Variants in DLGAP2 observed in about 807,000 individuals in gnomAD.
DLGAP2 encodes disks large-associated protein 2.
In DLGAP2, 26 loss-of-function variants were observed where a neutral mutation model predicts 100.3. The ratio of observed to expected loss-of-function variants is 0.26; its 90% CI spans 0.19 to 0.36. DLGAP2 has a LOEUF of 0.36. Ranked by LOEUF, DLGAP2 falls within the 10% of genes least tolerant of loss-of-function variation. The pLI, the probability that DLGAP2 is intolerant of heterozygous loss-of-function variation, is 1.00. For missense variants in DLGAP2, 1,858 were observed against 1,453.2 expected (o/e 1.28, Z -4.53); for synonymous variants, 886 against 630.1 (o/e 1.41, Z -6.08).
At chr8:1,026,558 T>C (rs528653326) in intron 2 of DLGAP2, among the ~76,000 whole-genome samples, 30 of 152,360 alleles carry the variant, frequency 2.0e-4, no homozygotes, top group African/African-American at 7.0e-4. Context: ...GGTTGTCTTA[T>C]ATTGAGAACA....
chr8:913,924 T>A (rs1798540146), intron 2 of DLGAP2, among the ~76,000 whole-genome samples: 1 of 152,206 alleles, frequency 6.6e-6, no homozygotes, highest in South Asian at 2.1e-4. Context: ...GCCCCGGGAC[T>A]GAGACATGCA....
chr8:1,136,220 G>A (rs1796408035), intron 2 of DLGAP2, among the ~76,000 whole-genome samples: 1 of 152,052 alleles, frequency 6.6e-6, no homozygotes, highest in Non-Finnish European at 1.5e-5. Context: ...TGCTCCCTTA[G>A]GCACATGAGT....
At chr8:1,251,698 A>G (rs1475531702) in intron 2 of DLGAP2, among the ~76,000 whole-genome samples, 1 of 152,250 alleles carries the variant, frequency 6.6e-6, no homozygotes, top group Non-Finnish European at 1.5e-5. Context: ...TCGTGGAGTC[A>G]GGTCATCATG....
intron 4 of DLGAP2, among the ~76,000 whole-genome samples, chr8:1,523,041 C>T (rs1800661133): frequency 6.6e-6 from 1 of 152,222 alleles, no homozygotes; most frequent in Admixed American, 6.5e-5. Flanking sequence ...TGGTCAGAAC[C>T]AGCAGCACTG....
intron 3 of DLGAP2, among the ~76,000 whole-genome samples, chr8:1,304,995 T>C (rs1202953926): frequency 6.6e-6 from 1 of 152,162 alleles, no homozygotes; most frequent in African/African-American, 2.4e-5. Context: ...CTGCTAAGAA[T>C]AACTGTGCAG....
In DLGAP2 at chr8:1,501,365, G is replaced by A; in HGVS notation, c.107-1G>A. ...GAGTGACTTTGTTTCTGTCTTTGCA[G>A]AGGAAGAAGCTGGAGACTTGGTCCA... is the stretch of plus-strand genomic sequence containing the variant. On this transcript the variant is annotated splice_acceptor_variant, in intron 3 of 14. Coordinates refer to ENST00000637795, the MANE Select transcript of DLGAP2 (RefSeq NM_001346810.2). LOFTEE classifies it high-confidence loss of function. The A allele has an allele frequency of 6.5e-7, 1 of 1,535,930 alleles. No individual in the cohort carries two copies. The highest frequency in any genetic ancestry group is 8.7e-7 in the Non-Finnish European group (1 of 1,146,750).
At chr8:1,295,191 G>A (rs1427533569) in intron 3 of DLGAP2, among the ~76,000 whole-genome samples, 7 of 152,174 alleles carry the variant, frequency 4.6e-5, no homozygotes, top group African/African-American at 1.4e-4. Flanking sequence ...GACAGACATG[G>A]CGGCAAGAGT....
intron 3 of DLGAP2, among the ~76,000 whole-genome samples, chr8:1,417,327 G>A (rs2129912788): frequency 6.6e-6 from 1 of 152,302 alleles, no homozygotes; most frequent in Admixed American, 6.5e-5. Context: ...AGGTTCGACA[G>A]CATCTCACCG....
At chr8:1,060,225 T>G (rs1421970309) in intron 2 of DLGAP2, among the ~76,000 whole-genome samples, 1 of 152,104 alleles carries the variant, frequency 6.6e-6, no homozygotes, top group Non-Finnish European at 1.5e-5. Context: ...GTAACAGAAA[T>G]GTACTGTCTC....
intron 3 of DLGAP2, among the ~76,000 whole-genome samples, chr8:1,313,055 A>G (rs1333535850): frequency 6.6e-6 from 1 of 152,230 alleles, no homozygotes; most frequent in Admixed American, 6.5e-5. Flanking sequence ...CCTGCCGGCC[A>G]CTGTCTGTGC....
Position 1,668,393 on chromosome 8 carries a change from T to A in DLGAP2, c.1875T>A (p.Pro625=). ...PPVPPRTTSK[P]LISVTAQSST... ...TGCCCCCTCGGACCACCTCCAAGCC[T>A]CTGATCTCGGTGACGGCGCAGAGCA... The change falls in exon 9 of 15, where the codon CCT becomes CCA. Residue 625 remains proline, a synonymous_variant. Coordinates refer to ENST00000637795, the MANE Select transcript of DLGAP2 (RefSeq NM_001346810.2). 6.2e-7 allele frequency: 1 copy of A among 1,603,156 alleles called. No homozygotes were observed. The highest frequency in any genetic ancestry group is 2.3e-5 in the East Asian group (1 of 44,284).
chr8:1,077,171 T>C (rs1803648002), intron 2 of DLGAP2, among the ~76,000 whole-genome samples: 1 of 152,224 alleles, frequency 6.6e-6, no homozygotes, highest in Admixed American at 6.5e-5. Flanking sequence ...GTGTCTGTCC[T>C]CCGGTTTCTG....
At chr8:927,824 G>GA (rs1245436060) in intron 2 of DLGAP2, among the ~76,000 whole-genome samples, 2 of 151,850 alleles carry the variant, frequency 1.3e-5, no homozygotes, top group Admixed American at 6.5e-5. Context: ...TATATAATGA[G>GA]AAAAAAAGGG....
At chr8:1,320,665 C>G (rs939434723) in intron 3 of DLGAP2, among the ~76,000 whole-genome samples, 6 of 152,204 alleles carry the variant, frequency 3.9e-5, no homozygotes, top group Non-Finnish European at 7.3e-5. Context: ...GCACGACATT[C>G]TCACCTCTCT....
chr8:903,492 C>T (rs989372723), intron 1 of DLGAP2, among the ~76,000 whole-genome samples: 2 of 151,170 alleles, frequency 1.3e-5, no homozygotes, highest in Non-Finnish European at 3.0e-5. Flanking sequence ...GAGCTAGTAA[C>T]GACGGTCACC....
At chr8:1,576,124 C>T (rs1407847788) in intron 6 of DLGAP2, among the ~76,000 whole-genome samples, 1 of 152,150 alleles carries the variant, frequency 6.6e-6, no homozygotes, top group Non-Finnish European at 1.5e-5. Context: ...TCCTCTCCAG[C>T]ACCTGTTGTT....
chr8:1,579,387 C>T (rs1340502022), intron 6 of DLGAP2, among the ~76,000 whole-genome samples: 1 of 151,836 alleles, frequency 6.6e-6, no homozygotes, highest in Non-Finnish European at 1.5e-5. Flanking sequence ...GTGGAGAAGA[C>T]GTATCTGGGC....
intron 3 of DLGAP2, among the ~76,000 whole-genome samples, chr8:1,265,758 AGAT>A (rs1172476490): frequency 1.3e-5 from 2 of 152,246 alleles, no homozygotes; most frequent in Non-Finnish European, 2.9e-5. Flanking sequence ...TACTGATGCC[AGAT>A]GATGTTGGAA....
At chr8:866,583 G>C (rs1158566331) in intron 1 of DLGAP2, among the ~76,000 whole-genome samples, 1 of 152,166 alleles carries the variant, frequency 6.6e-6, no homozygotes, top group Non-Finnish European at 1.5e-5. Flanking sequence ...AGTGCTGGGG[G>C]TCGTGTCTCT....
Sources: allele counts gnomAD v4.1 joint callset (sites outside exome capture counted in the v4.1 genomes callset), GRCh38; gene constraint gnomAD v4.1.1; transcripts MANE v1.5; gene names NCBI Gene and HGNC (gene_info 2026-07-23, HGNC 2026-07-21).